Variants in SNCG observed in about 807,000 individuals in gnomAD.
SNCG encodes the protein synuclein gamma, also known as gamma-synuclein.
In SNCG, 13 loss-of-function variants were observed where a neutral mutation model predicts 16.0. The ratio of observed to expected loss-of-function variants is 0.81; its 90% CI spans 0.53 to 1.29. SNCG has a LOEUF of 1.29. Ranked by LOEUF, SNCG falls within the 50% of genes most tolerant of loss-of-function variation. The pLI is 0.00. For synonymous variants in SNCG, 66 were observed against 66.3 expected (o/e 1.00, Z 0.02); for missense variants, 154 against 168.5 (o/e 0.91, Z 0.48).
chr10:86,957,300 T>A, upstream of SNCG: 2 of 1,477,222 alleles, frequency 1.4e-6, no homozygotes, highest in African/African-American at 2.7e-5. Context: ...CCCAGTGAGG[T>A]CTAGAGAGGC....
In SNCG at chr10:86,958,727, C is replaced by T. The variant is rs74150417; in HGVS notation, c.30C>T (p.Ile10=). 1.1e-5 allele frequency: 18 copies of T among 1,613,940 alleles called. No individual in the cohort carries two copies. The Admixed American group carries it at 1.5e-4, about 13-fold the overall frequency. The stretch of plus-strand genomic sequence containing the variant: ...ATGTCTTCAAGAAGGGCTTCTCCAT[C>T]GCCAAGGAGGGCGTGGTGGGTGCGG... MDVFKKGFS[I]AKEGVVGAVE... is the part of the protein sequence containing the mutation. The change falls in exon 1 of 5, where the codon ATC becomes ATT. Residue 10 remains isoleucine (I), a synonymous_variant. Transcript: ENST00000372017.
Position 86,959,232 on chromosome 10 carries a change from T to C in SNCG, c.122-401T>C. 1 of 349,800 alleles carries C rather than the reference T, an allele frequency of 2.9e-6. No individual in the cohort carries two copies. The highest frequency in any genetic ancestry group is 5.2e-6 in the Non-Finnish European group (1 of 191,896). The allele number at this position is 349,800 out of a possible 1,614,324, so 21.7% of individuals were successfully genotyped here. ...CAGAGAGAAGGGGCAGGCTGGGGGA[T>C]GAAACCTAGGCTCAGTGTTCCCTCC... On this transcript the variant is annotated intron_variant, in intron 1 of 4. Transcript: ENST00000372017. This position sits in a 1 kb window ranked among gnomAD's most constrained non-coding sequence, Gnocchi z 4.3.
At chr10:86,957,386 G>C (rs150005124), upstream of SNCG, 586 of 1,613,096 alleles carry the variant, frequency 3.6e-4, 1 homozygote, top group African/African-American at 5.7e-3. Flanking sequence ...ACCGTCCTAC[G>C]GGGTCCTTGC....
chr10:86,958,499 C>CCAAACAA, upstream of SNCG: 1 of 1,111,546 alleles, frequency 9.0e-7, no homozygotes, highest in Non-Finnish European at 1.1e-6. Flanking sequence ...AACCTCCTTC[C>CCAAACAA]CTCCCTCCCT....
upstream of SNCG, chr10:86,958,438 A>G: frequency 7.1e-6 from 7 of 985,378 alleles, no homozygotes; most frequent in Non-Finnish European, 8.4e-6. Context: ...AGCCAGCAGG[A>G]GCCCAGGGAG....
upstream of SNCG, chr10:86,958,009 G>A (rs1844265345): frequency 1.2e-5 from 12 of 1,011,068 alleles, no homozygotes; most frequent in South Asian, 3.3e-4. Context: ...GAAGGGAAGG[G>A]ACTATTCTGG....
At chr10:86,957,180 G>A (rs1844248892), upstream of SNCG, among the ~76,000 whole-genome samples, 1 of 152,316 alleles carries the variant, frequency 6.6e-6, no homozygotes, top group South Asian at 2.1e-4. Context: ...CTCCGACAGG[G>A]AACTCCCTGC....
At chr10:86,961,531 G>C (rs1457738309) in intron 3 of SNCG, among the ~76,000 whole-genome samples, 1 of 152,142 alleles carries the variant, frequency 6.6e-6, no homozygotes, top group African/African-American at 2.4e-5. Context: ...AAGAGGCCCT[G>C]GGGTGAGGGT....
Position 86,959,113 on chromosome 10 carries a change from G to C in SNCG, c.121+295G>C, listed in dbSNP as rs759143131. ...AGCATACCAGCCTCCCCTGAGCCTG[G>C]AGCCCCTGAAGCCATGAGCAGCCTG... On this transcript the variant is annotated intron_variant, in intron 1 of 4. Transcript: ENST00000372017. The surrounding 1 kb of genome is among the most constrained non-coding windows in gnomAD (Gnocchi z 4.3). Among the ~76,000 whole-genome samples the C allele has an allele frequency of 6.6e-6, 1 of 152,138 alleles. No homozygotes were observed. The highest frequency in any genetic ancestry group is 1.5e-5 in the Non-Finnish European group (1 of 67,996).
In SNCG at chr10:86,959,179, C is replaced by T. The variant is rs1297520478; in HGVS notation, c.121+361C>T. On this transcript the variant is annotated intron_variant, in intron 1 of 4. Coordinates refer to ENST00000372017, the MANE Select transcript of SNCG (RefSeq NM_003087.3). This position sits in a 1 kb window ranked among gnomAD's most constrained non-coding sequence, Gnocchi z 4.3. ...CACCCTCTCCACACGGGAGCGGCTACAGCCAGGTCACGGATCCCCTCCCTC... is the reference window on the plus strand; with the variant it reads ...CACCCTCTCCACACGGGAGCGGCTATAGCCAGGTCACGGATCCCCTCCCTC... 3.9e-5 allele frequency among the ~76,000 whole-genome samples: 6 copies of T among 152,164 alleles called. No homozygotes were observed. The highest frequency in any genetic ancestry group is 8.8e-5 in the Non-Finnish European group (6 of 68,006).
Position 86,962,985 on chromosome 10 carries a change from G to C in SNCG, c.384G>C (p.Ter128TyrextTer8). The C allele has an allele frequency of 6.2e-7, 1 of 1,603,858 alleles. No individual in the cohort carries two copies. ...CCCAGGCCCAGAGTGGGGGAGACTAGAGGGCTACAGGCCAGCGTGGATGAC... is the reference window on the plus strand; with the variant it reads ...CCCAGGCCCAGAGTGGGGGAGACTACAGGGCTACAGGCCAGCGTGGATGAC... ...VAEEAQSGGD[*>Y] The change falls in exon 5 of 5, where the codon TAG becomes TAC. Residue 128 changes from the stop codon to tyrosine (Y), a stop_lost. Transcript: ENST00000372017.
chr10:86,957,304 G>A (rs1411547481), upstream of SNCG: 2 of 1,507,892 alleles, frequency 1.3e-6, no homozygotes, highest in Non-Finnish European at 1.8e-6. Context: ...GTGAGGTCTA[G>A]AGAGGCTCTG....
At position 86,959,567 on chromosome 10, in the gene SNCG, T is replaced by C. The variant is rs1013831768; in HGVS notation, c.122-66T>C. ...CACAGTTTGTCCAGCTGTTCTGTTGTGTTTGTCCTGACCGCCCCCAACACC... is the reference window on the plus strand; with the variant it reads ...CACAGTTTGTCCAGCTGTTCTGTTGCGTTTGTCCTGACCGCCCCCAACACC... On this transcript the variant is annotated intron_variant, in intron 1 of 4. Transcript: ENST00000372017. The surrounding 1 kb of genome is among the most constrained non-coding windows in gnomAD (Gnocchi z 4.3). 3 of 1,431,828 alleles carry C rather than the reference T, an allele frequency of 2.1e-6. No individual in the cohort carries two copies. The highest frequency in any genetic ancestry group is 1.7e-5 in the Admixed American group (1 of 59,496). 88.7% of individuals were successfully genotyped at this position (1,431,828 alleles called of 1,614,324 possible). A position where few individuals can be genotyped will look rare whatever the true frequency, so the allele number is the denominator to read the frequency against.
chr10:86,957,884 G>A, upstream of SNCG: 1 of 1,100,338 alleles, frequency 9.1e-7, no homozygotes, highest in African/African-American at 1.7e-5. Context: ...TCGAGGTGGG[G>A]CCACAGGAAG....
intron 4 of SNCG, 31 bp downstream of exon 4, chr10:86,962,706 G>T: frequency 6.4e-7 from 1 of 1,567,504 alleles, no homozygotes; most frequent in Non-Finnish European, 8.7e-7. Flanking sequence ...GTGCACCATG[G>T]GGGGTTCCTT....
chr10:86,956,028 G>A (rs540752545), upstream of SNCG, among the ~76,000 whole-genome samples: 2 of 152,082 alleles, frequency 1.3e-5, no homozygotes, highest in Non-Finnish European at 2.9e-5. Context: ...CCCGTCCACC[G>A]GGTCCTCTCA....
chr10:86,959,158 C>T lies in SNCG; in HGVS notation c.121+340C>T, dbSNP rs550399354. 6.6e-6 allele frequency among the ~76,000 whole-genome samples: 1 copy of T among 152,176 alleles called. No homozygotes were observed. Among genetic ancestry groups the T allele is most frequent in the African/African-American group, 2.4e-5 (1 of 41,442 alleles). ...AGCCTGTGCTCAGGTGGCCCCCACC[C>T]TCTCCACACGGGAGCGGCTACAGCC... On this transcript the variant is annotated intron_variant, in intron 1 of 4. Coordinates refer to ENST00000372017, the MANE Select transcript of SNCG (RefSeq NM_003087.3). The surrounding 1 kb of genome is among the most constrained non-coding windows in gnomAD (Gnocchi z 4.3).
upstream of SNCG, chr10:86,957,789 G>A: frequency 7.6e-7 from 1 of 1,309,182 alleles, no homozygotes; most frequent in Non-Finnish European, 9.7e-7. Context: ...CAGGGACTCT[G>A]GGAATGTGGT....
chr10:86,960,241 C>T, intron 3 of SNCG, 113 bp downstream of exon 3: 1 of 1,101,270 alleles, frequency 9.1e-7, no homozygotes, highest in Non-Finnish European at 1.3e-6. Context: ...GGGGCTGCGG[C>T]TGGCTTCAGT....
Sources: gnomAD v4.1 joint callset for allele counts (sites outside exome capture counted in the v4.1 genomes callset) on GRCh38, gnomAD v4.1.1 for gene constraint, Gnocchi (gnomAD v3.1) non-coding constraint, MANE v1.5 for transcripts, NCBI Gene and HGNC (gene_info 2026-07-23, HGNC 2026-07-21) for gene names.